Variants in MANBA observed in about 807,000 individuals in gnomAD.
The protein encoded by MANBA is beta-mannosidase.
A neutral mutation model predicts 111.1 loss-of-function variants in MANBA; 83 were observed. That is an observed-to-expected ratio of 0.75 (90% CI 0.63 to 0.90). The LOEUF is 0.90. Among genes scored for constraint, MANBA ranks in the 40% least tolerant of loss-of-function variants. The pLI is 0.00. For synonymous variants in MANBA, 370 were observed against 378.7 expected, an observed-to-expected ratio of 0.98 and a Z score of 0.27; for missense variants, 1,036 against 1,069.0, an observed-to-expected ratio of 0.97 and a Z score of 0.43.
At chr4:102,642,918 C>T (rs553523459) in intron 13 of MANBA, among the ~76,000 whole-genome samples, 2 of 152,218 alleles carry the variant, frequency 1.3e-5, no homozygotes, top group African/African-American at 2.4e-5. Context: ...AAAATTATCC[C>T]GACACTAAGA....
rs999424005 is a variant in MANBA at position 102,690,518 on chromosome 4, A to C, written c.849+78T>G. 9 of 1,353,016 alleles carry C rather than the reference A, an allele frequency of 6.7e-6. No homozygotes were observed. The African/African-American group carries it at 8.7e-5, about 13-fold the overall frequency. 83.8% of individuals were successfully genotyped at this position (1,353,016 alleles called of 1,614,324 possible). ...GAAAGTAGAATTTTCTTTCATACTT[A>C]GTCCCTCCTTTCTAATCATTTCTTT... On this transcript the variant is annotated intron_variant, in intron 6 of 16. Transcript: ENST00000647097.
chr4:102,756,325 G>A (rs1724014938), intron 1 of MANBA, among the ~76,000 whole-genome samples: 1 of 152,142 alleles, frequency 6.6e-6, no homozygotes, highest in East Asian at 1.9e-4. Context: ...TCCTTTGTAG[G>A]GACATGGATG....
chr4:102,659,879 C>T (rs1282571668), intron 11 of MANBA, among the ~76,000 whole-genome samples: 2 of 152,072 alleles, frequency 1.3e-5, no homozygotes, highest in Non-Finnish European at 1.5e-5. Flanking sequence ...ATTCCAGTTT[C>T]CCCCAACCTT....
chr4:102,688,361 T>A (rs1732315084), intron 7 of MANBA, among the ~76,000 whole-genome samples: 1 of 140,718 alleles, frequency 7.1e-6, no homozygotes, highest in African/African-American at 2.6e-5. Flanking sequence ...ACATACACAC[T>A]CTTTCTCTCT....
chr4:102,717,363 G>GAA (rs761413963), intron 4 of MANBA, among the ~76,000 whole-genome samples: 16 of 111,384 alleles, frequency 1.4e-4, no homozygotes, highest in Non-Finnish European at 2.1e-4. Context: ...GAGTTTTCCT[G>GAA]AAAAAAAAAA....
chr4:102,713,545 T>G (rs957644016), intron 5 of MANBA, among the ~76,000 whole-genome samples: 1 of 152,248 alleles, frequency 6.6e-6, no homozygotes, highest in Non-Finnish European at 1.5e-5. Context: ...TGAGGTTCTA[T>G]TTCAATGCTC....
At chr4:102,637,111 G>A (rs1337006313) in intron 14 of MANBA, among the ~76,000 whole-genome samples, 2 of 152,092 alleles carry the variant, frequency 1.3e-5, no homozygotes, top group Non-Finnish European at 2.9e-5. Flanking sequence ...TGATTGTGAG[G>A]TCTTCCCAGC....
At chr4:102,733,732 C>T (rs1254713387) in intron 1 of MANBA, among the ~76,000 whole-genome samples, 2 of 152,088 alleles carry the variant, frequency 1.3e-5, no homozygotes, top group African/African-American at 4.8e-5. Context: ...AGTTTTTTTC[C>T]TACTGTTCTG....
intron 12 of MANBA, among the ~76,000 whole-genome samples, chr4:102,652,773 T>C (rs1180794091): frequency 1.3e-5 from 2 of 152,124 alleles, no homozygotes; most frequent in Non-Finnish European, 2.9e-5. Context: ...CACATGCCTG[T>C]AGTCCCAGCT....
chr4:102,700,603 C>G (rs1732983005), intron 5 of MANBA, among the ~76,000 whole-genome samples: 1 of 152,080 alleles, frequency 6.6e-6, no homozygotes, highest in South Asian at 2.1e-4. Context: ...TTTCTGCCTT[C>G]ATTTCGTTAT....
chr4:102,752,683 G>T (rs1723854645), intron 1 of MANBA: 3 of 488,610 alleles, frequency 6.1e-6, no homozygotes, highest in South Asian at 4.7e-5. Context: ...TTATACAAAT[G>T]AACTTGGTAG....
intron 14 of MANBA, among the ~76,000 whole-genome samples, chr4:102,637,071 G>A (rs1022125403): frequency 7.2e-5 from 11 of 152,182 alleles, no homozygotes; most frequent in South Asian, 2.1e-4. Context: ...CATGTAAGAA[G>A]TCCCTTTGCT....
intron 1 of MANBA, among the ~76,000 whole-genome samples, chr4:102,758,396 CACAAT>C (rs780258925): frequency 1.3e-5 from 2 of 152,236 alleles, no homozygotes; most frequent in East Asian, 3.9e-4. Context: ...CTTACACAAA[CACAAT>C]ATTTGGCCCA....
At chr4:102,635,085 G>A in intron 15 of MANBA, 40 bp from the exon 16 acceptor site, 10 of 1,609,344 alleles carry the variant, frequency 6.2e-6, no homozygotes, top group Non-Finnish European at 8.5e-6. Flanking sequence ...GGCATTCTTG[G>A]TTGCTATGTT....
intron 1 of MANBA, chr4:102,728,883 G>C: frequency 1.3e-6 from 1 of 772,706 alleles, no homozygotes. Context: ...CTGGGGCTTG[G>C]GAGGCCCCCA....
intron 2 of MANBA, among the ~76,000 whole-genome samples, chr4:102,726,360 T>G (rs1722799839): frequency 6.6e-6 from 1 of 152,178 alleles, no homozygotes; most frequent in African/African-American, 2.4e-5. Flanking sequence ...TTGGTGACTG[T>G]TGATTAGTAG....
chr4:102,747,156 G>T (rs1400747223), intron 1 of MANBA, among the ~76,000 whole-genome samples: 1 of 145,664 alleles, frequency 6.9e-6, no homozygotes, highest in Non-Finnish European at 1.5e-5. Context: ...CAGAACTAAT[G>T]GGATATATAT....
intron 1 of MANBA, among the ~76,000 whole-genome samples, chr4:102,747,848 G>A (rs1344985697): frequency 4.6e-5 from 7 of 152,212 alleles, no homozygotes; most frequent in Non-Finnish European, 1.0e-4. Context: ...GGGAAAACAA[G>A]ACAAACTATT....
chr4:102,647,939 A>T (rs1464292281), intron 13 of MANBA, among the ~76,000 whole-genome samples: 1 of 152,094 alleles, frequency 6.6e-6, no homozygotes, highest in Non-Finnish European at 1.5e-5. Context: ...ATACTAAGAT[A>T]GGAAAATTTA....
Sources: allele counts gnomAD v4.1 joint callset (sites outside exome capture counted in the v4.1 genomes callset), GRCh38; gene constraint gnomAD v4.1.1; transcripts MANE v1.5; gene names NCBI Gene and HGNC (gene_info 2026-07-23, HGNC 2026-07-21).